The following PNLDC1 variants were observed in gnomAD, a reference collection of about 807,000 sequenced individuals.
The protein encoded by PNLDC1 is poly(A)-specific ribonuclease PNLDC1.
PNLDC1 carries 70 observed loss-of-function variants against 82.0 expected under a neutral mutation model. That is an observed-to-expected ratio of 0.85 (90% CI 0.70 to 1.04). The LOEUF is 1.04. Ranked by LOEUF, PNLDC1 falls within the 50% of genes least tolerant of loss-of-function variation. The pLI is 0.00. For synonymous variants in PNLDC1, 280 were observed against 249.3 expected (o/e 1.12, Z -1.16); for missense variants, 631 against 661.1 (o/e 0.95, Z 0.50).
chr6:159,808,866 C>A (rs767885515), intron 8 of PNLDC1, 50 bp downstream of exon 8: 2 of 1,602,846 alleles, frequency 1.2e-6, no homozygotes, highest in South Asian at 2.2e-5. Flanking sequence ...GTTTCTCTCT[C>A]ATAATTGGCC....
chr6:159,803,199 T>C (rs1781325438), intron 3 of PNLDC1, 72 bp from the exon 4 acceptor site: 1 of 1,443,686 alleles, frequency 6.9e-7, no homozygotes, highest in Non-Finnish European at 9.8e-7. Context: ...CTGTTTGAGT[T>C]GTTTTTGTCT....
rs1396407372 is a variant in PNLDC1, at chr6:159,819,923, A to G, written c.1533-531A>G. ...GGAGGACGTGGGCTTCTCTCAGGAG[A>G]GAGGGAATCGCGGAAGTTACAGCAA... On this transcript the variant is annotated intron_variant, in intron 18 of 18. Transcript: ENST00000392167. This position sits in a 1 kb window ranked among gnomAD's most constrained non-coding sequence, Gnocchi z 4.6. Among the ~76,000 whole-genome samples the G allele has an allele frequency of 6.6e-6, 1 of 151,938 alleles. No homozygotes were observed. The highest frequency in any genetic ancestry group is 2.1e-4 in the South Asian group (1 of 4,796).
At position 159,811,376 on chromosome 6, in the gene PNLDC1, C is replaced by T. The variant is rs538506352; in HGVS notation, c.854-325C>T. Among the ~76,000 whole-genome samples the T allele has an allele frequency of 3.3e-5, 5 of 152,186 alleles. No homozygotes were observed. In the East Asian group the frequency reaches 7.7e-4, roughly 23 times the overall value. Reference sequence around the variant, plus strand: ...CTGAGCAATTATTTACAAATGATATCATGTCTGCCTTTCTGATAATACTTC... The same window carrying T: ...CTGAGCAATTATTTACAAATGATATTATGTCTGCCTTTCTGATAATACTTC... On this transcript the variant is annotated intron_variant, in intron 10 of 18. Transcript: ENST00000392167.
intron 4 of PNLDC1, 82 bp downstream of exon 4, chr6:159,803,392 C>T (rs1221502486): frequency 3.8e-6 from 5 of 1,329,578 alleles, no homozygotes; most frequent in South Asian, 1.2e-5. Context: ...GCCTCAGGTG[C>T]CCCGATCACT....
Position 159,804,537 on chromosome 6 carries a change from T to C in PNLDC1, c.373-12T>C. 2 of 1,544,660 alleles carry C rather than the reference T, an allele frequency of 1.3e-6. No individual in the cohort carries two copies. Among genetic ancestry groups the C allele is most frequent in the Non-Finnish European group, 1.8e-6 (2 of 1,117,222 alleles). On this transcript the variant is annotated splice_polypyrimidine_tract_variant and intron_variant, in intron 5 of 18. Coordinates refer to ENST00000392167, the MANE Select transcript of PNLDC1 (RefSeq NM_001271862.2). ...CTCCTTGTTCTGTTTGTTGTTCTGTTTCTGTCTTAAGTTTCTCAAAAACGG... is the reference window on the plus strand; with the variant it reads ...CTCCTTGTTCTGTTTGTTGTTCTGTCTCTGTCTTAAGTTTCTCAAAAACGG...
At chr6:159,799,884 A>G (rs1781169354), upstream of PNLDC1, among the ~76,000 whole-genome samples, 1 of 152,150 alleles carries the variant, frequency 6.6e-6, no homozygotes, top group South Asian at 2.1e-4. Flanking sequence ...GGTGATTTAG[A>G]AGACCGTGAG....
chr6:159,817,924 G>A (rs1380227803), intron 15 of PNLDC1, among the ~76,000 whole-genome samples: 1 of 152,218 alleles, frequency 6.6e-6, no homozygotes, highest in African/African-American at 2.4e-5. Flanking sequence ...TTTCTTAAAT[G>A]TGCCAGCCTA....
At position 159,800,277 on chromosome 6, in the gene PNLDC1, G is replaced by C. The variant is rs1285185232; in HGVS notation, c.-31G>C. On this transcript the variant is annotated 5_prime_UTR_variant, in exon 1 of 19. Coordinates refer to ENST00000392167, the MANE Select transcript of PNLDC1 (RefSeq NM_001271862.2). The stretch of plus-strand genomic sequence containing the variant: ...GGCAGCACGTGGGCAGCACGTGATA[G>C]CGCTGGGCGACTCCGCGGAGCTGCA... 3.9e-6 allele frequency: 6 copies of C among 1,537,640 alleles called. No individual in the cohort carries two copies. The highest frequency in any genetic ancestry group is 5.3e-6 in the Non-Finnish European group (6 of 1,138,810).
chr6:159,804,024 C>G lies in PNLDC1; in HGVS notation c.308C>G (p.Ser103Ter). 1 of 1,613,970 alleles carries G rather than the reference C, an allele frequency of 6.2e-7. No homozygotes were observed. The highest frequency in any genetic ancestry group is 2.2e-5 in the East Asian group (1 of 44,888). ...CCTACAACGTTTGGGATTTTGGACT[C>G]AGAATTCTCCTTCCAGGCTTCCAGT... ...LFPTTFGILD[S>*]EFSFQASSVQ... The change falls in exon 5 of 19, where the codon TCA (serine) becomes TGA (stop). Residue 103 changes from serine to a stop codon, truncating the protein, a stop_gained. Coordinates refer to ENST00000392167, the MANE Select transcript of PNLDC1 (RefSeq NM_001271862.2). LOFTEE classifies it high-confidence loss of function.
Position 159,809,163 on chromosome 6 carries a change from G to A in PNLDC1, c.783+5G>A. 6.2e-7 allele frequency: 1 copy of A among 1,613,450 alleles called. No individual in the cohort carries two copies. On this transcript the variant is annotated splice_donor_5th_base_variant and intron_variant, in intron 9 of 18. Coordinates refer to ENST00000392167, the MANE Select transcript of PNLDC1 (RefSeq NM_001271862.2). ...ATGCTGGTGAAAGCCCAGAAGGTAG[G>A]AAAACATGTCTCTTTTCTTGGCCTA...
chr6:159,820,696 G>C lies in PNLDC1; in HGVS notation c.*179G>C, dbSNP rs955680325. On this transcript the variant is annotated 3_prime_UTR_variant, in exon 19 of 19. Transcript: ENST00000392167. ...ACTCTCAATGATAAATCAGTCCTTA[G>C]ATATCGTACCTGTATGTGTGGTCAG... 8.4e-5 allele frequency: 53 copies of C among 632,508 alleles called. No individual in the cohort carries two copies. The highest frequency in any genetic ancestry group is 7.8e-4 in the African/African-American group (43 of 55,122). 39.2% of individuals were successfully genotyped at this position (632,508 alleles called of 1,614,324 possible). A position where few individuals can be genotyped will look rare whatever the true frequency, so the allele number is the denominator to read the frequency against.
intron 11 of PNLDC1, 132 bp downstream of exon 11, chr6:159,811,918 G>C: frequency 4.2e-6 from 3 of 707,322 alleles, no homozygotes; most frequent in Non-Finnish European, 6.9e-6. Flanking sequence ...TGTTTTGTTT[G>C]AGAGGGAGTC....
chr6:159,804,194 G>T, intron 5 of PNLDC1, 106 bp downstream of exon 5: 2 of 1,333,520 alleles, frequency 1.5e-6, no homozygotes, highest in Non-Finnish European at 2.1e-6. Flanking sequence ...TTCGCCTCCC[G>T]GGTTCAAGTG....
rs1402865042 is a variant in PNLDC1, at chr6:159,800,390, A to T, written c.76+7A>T. 1.3e-6 allele frequency: 2 copies of T among 1,547,458 alleles called. No homozygotes were observed. Among genetic ancestry groups the T allele is most frequent in the African/African-American group, 2.7e-5 (2 of 72,962 alleles). ...CAGGAGGCCGACTTCGTGGGTGAAG[A>T]GCCTGGGATTCGCGGCTGTGCCGGA... On this transcript the variant is annotated splice_region_variant and intron_variant, in intron 1 of 18. Transcript: ENST00000392167.
At chr6:159,804,787 T>A in intron 6 of PNLDC1, 150 bp downstream of exon 6, 1 of 605,266 alleles carries the variant, frequency 1.7e-6, no homozygotes, top group Non-Finnish European at 2.9e-6. Context: ...GGCGCTGCTC[T>A]CCCTGTGCCC....
chr6:159,817,774 T>C (rs991386544), intron 15 of PNLDC1, among the ~76,000 whole-genome samples: 1 of 152,220 alleles, frequency 6.6e-6, no homozygotes, highest in Non-Finnish European at 1.5e-5. Flanking sequence ...CCCATCAAAA[T>C]TCTAATGTGT....
intron 15 of PNLDC1, among the ~76,000 whole-genome samples, chr6:159,818,292 G>A (rs183013895): frequency 2.0e-5 from 3 of 152,212 alleles, no homozygotes; most frequent in African/African-American, 7.2e-5. Flanking sequence ...ATTGCTGTTT[G>A]TCACCAGTGG....
intron 7 of PNLDC1, among the ~76,000 whole-genome samples, 196 bp from the exon 8 acceptor site, chr6:159,808,544 A>C (rs934699607): frequency 3.2e-4 from 48 of 151,890 alleles, no homozygotes; most frequent in African/African-American, 1.1e-3. Flanking sequence ...AAAAAAAAAA[A>C]AAACTCTTAG....
chr6:159,801,987 G>A (rs1165704588), intron 3 of PNLDC1, among the ~76,000 whole-genome samples: 1 of 151,930 alleles, frequency 6.6e-6, no homozygotes, highest in African/African-American at 2.4e-5. Flanking sequence ...ACCCAGGTTC[G>A]GGTGATTCTC....
Sources: allele counts gnomAD v4.1 joint callset (sites outside exome capture counted in the v4.1 genomes callset), GRCh38; gene constraint gnomAD v4.1.1; non-coding constraint Gnocchi (gnomAD v3.1); transcripts MANE v1.5; gene names NCBI Gene and HGNC (gene_info 2026-07-23, HGNC 2026-07-21).